Variants in CIROP observed in about 807,000 individuals in gnomAD.
CIROP encodes leishmanolysin homolog.
the CIROP span, chr14:23,099,754 A>G: frequency 4.1e-5 from 11 of 268,504 alleles, no homozygotes; most frequent in East Asian, 5.5e-4. Context: ...TTAAAGATAG[A>G]GCTCATGAAG....
chr14:23,099,262 CT>C, the CIROP span: 2 of 413,492 alleles, frequency 4.8e-6, no homozygotes, highest in African/African-American at 2.1e-5. Context: ...TCCTTACCCC[CT>C]GTCATGTTCT....
the CIROP span, chr14:23,104,795 G>C: frequency 1.4e-6 from 1 of 702,978 alleles, no homozygotes; most frequent in East Asian, 2.7e-5. Context: ...ATTTTGAGGG[G>C]AGTTGGGAGA....
At chr14:23,104,477 G>T in the CIROP span, 1 of 702,990 alleles carries the variant, frequency 1.4e-6, no homozygotes, top group African/African-American at 1.7e-5. Flanking sequence ...GCACTGGAGG[G>T]ACTTGATAAG....
chr14:23,100,276 G>A, the CIROP span: 26 of 377,154 alleles, frequency 6.9e-5, no homozygotes, highest in South Asian at 1.5e-3. Context: ...AGAAAAAGGT[G>A]GGGGGAGGGG....
the CIROP span, chr14:23,104,167 C>T: frequency 1.7e-6 from 1 of 595,230 alleles, no homozygotes. Flanking sequence ...TGGTTTTCCT[C>T]TCTTTACTAT....
At chr14:23,104,205 A>G in the CIROP span, 3 of 614,998 alleles carry the variant, frequency 4.9e-6, no homozygotes, top group Middle Eastern at 4.0e-4. Flanking sequence ...CACCACCCTT[A>G]TTTTTTCAAG....
the CIROP span, chr14:23,104,832 T>G: frequency 1.4e-6 from 1 of 702,888 alleles, no homozygotes; most frequent in Non-Finnish European, 2.6e-6. Context: ...GCTCACAGAC[T>G]TCTGTGTCTC....
At chr14:23,100,953 A>C in the CIROP span, 4 of 398,904 alleles carry the variant, frequency 1.0e-5, no homozygotes, top group Non-Finnish European at 1.8e-5. Flanking sequence ...GCTAATTCTA[A>C]AGAGAGCTGG....
chr14:23,100,274 G>T, the CIROP span: 1 of 377,650 alleles, frequency 2.6e-6, no homozygotes, highest in Non-Finnish European at 4.9e-6. Flanking sequence ...GAAGAAAAAG[G>T]TGGGGGGAGG....
At chr14:23,104,842 C>T in the CIROP span, 1 of 702,498 alleles carries the variant, frequency 1.4e-6, no homozygotes. Flanking sequence ...TTCTGTGTCT[C>T]ATCATGTAGA....
the CIROP span, chr14:23,100,335 A>C: frequency 2.4e-6 from 1 of 409,406 alleles, no homozygotes; most frequent in African/African-American, 2.1e-5. Context: ...ATTGTATGGG[A>C]GGAGGGAGTC....
the CIROP span, chr14:23,102,858 A>T: frequency 3.2e-6 from 2 of 624,982 alleles, no homozygotes; most frequent in East Asian, 5.5e-5. Context: ...ACTTAATGGG[A>T]AACTGAGTAA....
At chr14:23,102,799 C>A in the CIROP span, 18 of 688,536 alleles carry the variant, frequency 2.6e-5, no homozygotes, top group South Asian at 2.4e-4. Context: ...CCAATCAGCT[C>A]TTCCTAGAGT....
At chr14:23,100,713 T>C in the CIROP span, 4 of 398,964 alleles carry the variant, frequency 1.0e-5, no homozygotes, top group Non-Finnish European at 1.8e-5. Flanking sequence ...TTAATAGAGA[T>C]ATAGTTCCTG....
At chr14:23,099,557 CTTTTTTTTTT>C in the CIROP span, 140 of 308,646 alleles carry the variant, frequency 4.5e-4, no homozygotes, top group Non-Finnish European at 6.6e-4. Flanking sequence ...GCGGCATTAC[CTTTTTTTTTT>C]TTTTTTTTTG....
chr14:23,101,916 T>G, the CIROP span: 2 of 701,932 alleles, frequency 2.8e-6, no homozygotes, highest in Non-Finnish European at 5.2e-6. Context: ...CAGATCCTGC[T>G]TGACAGATGA....
chr14:23,102,108 C>A, the CIROP span: 1 of 703,096 alleles, frequency 1.4e-6, no homozygotes, highest in Non-Finnish European at 2.6e-6. Context: ...CCCACAACAG[C>A]TCCTCTGCAG....
the CIROP span, chr14:23,103,077 G>A: frequency 4.2e-6 from 2 of 477,604 alleles, no homozygotes; most frequent in South Asian, 5.0e-5. Context: ...GACAGGGTAG[G>A]GCCAGAAAGG....
At chr14:23,100,297 C>A in the CIROP span, 23 of 397,988 alleles carry the variant, frequency 5.8e-5, no homozygotes, top group African/African-American at 3.5e-4. Context: ...ACTAAGATCC[C>A]TATGTCCTAG....
Sources: allele counts gnomAD v4.1 joint callset, GRCh38; gene constraint gnomAD v4.1.1; transcripts MANE v1.5; gene names NCBI Gene and HGNC (gene_info 2026-07-23, HGNC 2026-07-21).